PIEZO2: variants seen among roughly 807,000 people sequenced by gnomAD.
PIEZO2 encodes the protein piezo-type mechanosensitive ion channel component 2.
A neutral mutation model predicts 337.3 loss-of-function variants in PIEZO2; 172 were observed. The observed-to-expected ratio is 0.51, with a 90% CI of 0.45 to 0.58. The LOEUF (loss-of-function observed/expected upper bound fraction) is 0.58, where lower values mean the gene tolerates loss of function less well. Among genes scored for constraint, PIEZO2 ranks in the 20% least tolerant of loss-of-function variants. PIEZO2 has a pLI of 0.00. For synonymous variants in PIEZO2, 1,251 were observed against 1,228.5 expected, an observed-to-expected ratio of 1.02 and a Z score of -0.38; for missense variants, 3,028 against 3,391.3, an observed-to-expected ratio of 0.89 and a Z score of 2.66.
chr18:11,148,881 C>T lies in PIEZO2; in HGVS notation c.-293G>A. ...CATTTAGTGTGAATCCTGGATCCGG[C>T]AGCGGCGGCGGCTTCTTCAGGGGTA... On this transcript the variant is annotated 5_prime_UTR_variant, in exon 1 of 56. Coordinates refer to ENST00000674853, the MANE Select transcript of PIEZO2 (RefSeq NM_001378183.1). The surrounding 1 kb of genome is among the most constrained non-coding windows in gnomAD (Gnocchi z 5.2). The T allele has an allele frequency of 2.8e-6, 1 of 359,310 alleles. No homozygotes were observed. The allele number at this position is 359,310 out of a possible 1,614,324, so 22.3% of individuals were successfully genotyped here.
Position 10,746,358 on chromosome 18 carries a change from C to T in PIEZO2, c.4424+2113G>A, listed in dbSNP as rs917227645. Among the ~76,000 whole-genome samples, 9 of 152,302 alleles carry T rather than the reference C, an allele frequency of 5.9e-5. No individual in the cohort carries two copies. Among genetic ancestry groups the T allele is most frequent in the African/African-American group, 9.6e-5 (4 of 41,570 alleles). On this transcript the variant is annotated intron_variant, in intron 30 of 55. Transcript: ENST00000674853. The surrounding 1 kb of genome is among the most constrained non-coding windows in gnomAD (Gnocchi z 4.2). ...CACTGTCCTCATCTTCCAATCTCAG[C>T]GCTGCAGTCACTGTGAGCTTCTGAT...
intron 20 of PIEZO2, among the ~76,000 whole-genome samples, chr18:10,771,136 G>A (rs1421978593): frequency 1.3e-5 from 2 of 152,114 alleles, no homozygotes; most frequent in African/African-American, 2.4e-5. Flanking sequence ...TTGCCACAAC[G>A]GCACTTTTAT....
At chr18:10,684,923 G>A (rs1598353077) in intron 49 of PIEZO2, among the ~76,000 whole-genome samples, 2 of 76,470 alleles carry the variant, frequency 2.6e-5, no homozygotes, top group South Asian at 3.9e-4. Flanking sequence ...ACCAGAGTGC[G>A]GTGTCGTGAT....
intron 2 of PIEZO2, among the ~76,000 whole-genome samples, chr18:11,059,608 T>C (rs2037863064): frequency 6.6e-6 from 1 of 152,160 alleles, no homozygotes; most frequent in African/African-American, 2.4e-5. Flanking sequence ...GTTGCAATCC[T>C]AGTCTCTGAT....
At chr18:10,827,046 A>T (rs908613252) in intron 7 of PIEZO2, among the ~76,000 whole-genome samples, 3 of 152,216 alleles carry the variant, frequency 2.0e-5, no homozygotes, top group South Asian at 2.1e-4. Flanking sequence ...TTATGTTCTT[A>T]TGCATAGATA....
chr18:10,832,841 A>G (rs1400504415), intron 7 of PIEZO2, among the ~76,000 whole-genome samples: 2 of 152,154 alleles, frequency 1.3e-5, no homozygotes, highest in Non-Finnish European at 2.9e-5. Flanking sequence ...GGTGGGGCCC[A>G]GGGATAAGCA....
chr18:10,742,803 T>TGC lies in PIEZO2; in HGVS notation c.4515-189_4515-188insGC, dbSNP rs10640381. ...CCTTTCTTTTATATACATATTTGTG[T>TGC]GTGTGTGTGTGTGTGTGTGTGTGTG... On this transcript the variant is annotated intron_variant, in intron 31 of 55. Transcript: ENST00000674853. Among the ~76,000 whole-genome samples, 13,575 of 149,204 alleles carry TGC rather than the reference T, an allele frequency of 0.091. 764 individuals are homozygous for TGC. The highest frequency in any genetic ancestry group is 0.15 in the Middle Eastern group (45 of 292).
At chr18:11,058,860 A>T (rs2037828196) in intron 2 of PIEZO2, among the ~76,000 whole-genome samples, 1 of 152,234 alleles carries the variant, frequency 6.6e-6, no homozygotes. Context: ...GAACTTCCCC[A>T]ATCTAGCAAG....
chr18:10,886,511 T>TTA (rs1181473457), intron 4 of PIEZO2, among the ~76,000 whole-genome samples: 7 of 118,368 alleles, frequency 5.9e-5, no homozygotes, highest in South Asian at 5.7e-4. Context: ...CATATACACA[T>TTA]TATATATATA....
rs1337782799 is a variant in PIEZO2 at position 11,149,485 on chromosome 18, G to C, written c.-897C>G. Among the ~76,000 whole-genome samples the C allele has an allele frequency of 2.0e-5, 3 of 151,944 alleles. No individual in the cohort carries two copies. On this transcript the variant is annotated 5_prime_UTR_variant, in exon 1 of 56. Coordinates refer to ENST00000674853, the MANE Select transcript of PIEZO2 (RefSeq NM_001378183.1). This position sits in a 1 kb window ranked among gnomAD's most constrained non-coding sequence, Gnocchi z 8.7. Reference sequence around the variant, plus strand: ...AAAACCAGCGCCGTCCCGTCGCCCAGCGCGACCACCGCCTGCCGCCTTGCA... The same window carrying C: ...AAAACCAGCGCCGTCCCGTCGCCCACCGCGACCACCGCCTGCCGCCTTGCA...
rs188098649 is a variant in PIEZO2, at chr18:11,021,586, C to A, written c.161-41926G>T. On this transcript the variant is annotated intron_variant, in intron 2 of 55. Transcript: ENST00000674853. The surrounding 1 kb of genome is among the most constrained non-coding windows in gnomAD (Gnocchi z 4.7). ...TCGTGAGGAGGAACACAGTCACCAT[C>A]GTGAATGAAAACCACCAAGTGGGGT... 6.6e-6 allele frequency among the ~76,000 whole-genome samples: 1 copy of A among 152,284 alleles called. No individual in the cohort carries two copies. Among genetic ancestry groups the A allele is most frequent in the East Asian group, 1.9e-4 (1 of 5,186 alleles).
chr18:10,726,525 C>A lies in PIEZO2; in HGVS notation c.5029+4882G>T, dbSNP rs1201490709. On this transcript the variant is annotated intron_variant, in intron 36 of 55. Coordinates refer to ENST00000674853, the MANE Select transcript of PIEZO2 (RefSeq NM_001378183.1). This position sits in a 1 kb window ranked among gnomAD's most constrained non-coding sequence, Gnocchi z 5.9. ...AAGCAGCCGTTCCTGTGGCGCGCTGCGCTGCTCTGCTCTGCTACACCAGCC... is the reference window on the plus strand; with the variant it reads ...AAGCAGCCGTTCCTGTGGCGCGCTGAGCTGCTCTGCTCTGCTACACCAGCC... 7 of 1,470,614 alleles carry A rather than the reference C, an allele frequency of 4.8e-6. No homozygotes were observed. In the East Asian group the frequency reaches 7.4e-5, roughly 16 times the overall value. 91.1% of individuals were successfully genotyped at this position (1,470,614 alleles called of 1,614,324 possible).
chr18:10,796,584 A>G (rs758911252), intron 12 of PIEZO2, among the ~76,000 whole-genome samples: 64 of 152,258 alleles, frequency 4.2e-4, no homozygotes, highest in Non-Finnish European at 6.0e-4. Flanking sequence ...GAAGAAATGT[A>G]TTAATACTTA....
rs1267473901 is a variant in PIEZO2, at chr18:11,001,819, A to C, written c.161-22159T>G. On this transcript the variant is annotated intron_variant, in intron 2 of 55. Transcript: ENST00000674853. This position sits in a 1 kb window ranked among gnomAD's most constrained non-coding sequence, Gnocchi z 5.3. ...CTTGAACCCAGGAGGCAGAGGTTGC[A>C]GTGAGCTCAGATTGCACCACTGTAC... 6.6e-6 allele frequency among the ~76,000 whole-genome samples: 1 copy of C among 152,038 alleles called. No individual in the cohort carries two copies. Among genetic ancestry groups the C allele is most frequent in the Non-Finnish European group, 1.5e-5 (1 of 68,002 alleles).
At position 10,682,283 on chromosome 18, in the gene PIEZO2, G is replaced by T; in HGVS notation, c.7507C>A (p.Gln2503Lys). ...TTCTTCTTCTTCTGGCCCCGTGGCT[G>T]AGGGTATCTCTGCAACAGAGAGTTC... ...CWRESEKRYP[Q>K]PRGQKKKKVV... is the part of the protein sequence containing the mutation. Residue 2503 changes from glutamine to lysine, a missense_variant, in exon 50 of 56, where the codon CAG (glutamine) becomes AAG (lysine). By Grantham distance (53) the Gln-to-Lys change is moderately conservative. Transcript: ENST00000674853. The surrounding 1 kb of genome is among the most constrained non-coding windows in gnomAD (Gnocchi z 5.6). The T allele has an allele frequency of 6.5e-7, 1 of 1,535,714 alleles. No homozygotes were observed.
chr18:10,792,808 GGT>G (rs2039448856), intron 13 of PIEZO2, among the ~76,000 whole-genome samples: 1 of 152,126 alleles, frequency 6.6e-6, no homozygotes, highest in African/African-American at 2.4e-5. Context: ...TGGAATTGCT[GGT>G]CTTATGGAAA....
intron 3 of PIEZO2, among the ~76,000 whole-genome samples, chr18:10,922,037 G>T (rs923587841): frequency 6.6e-6 from 1 of 152,102 alleles, no homozygotes; most frequent in Non-Finnish European, 1.5e-5. Flanking sequence ...TTTTAATTTT[G>T]CCCCGGTCCT....
chr18:10,674,705 TCA>T (rs2033917077), intron 54 of PIEZO2, among the ~76,000 whole-genome samples: 1 of 152,234 alleles, frequency 6.6e-6, no homozygotes, highest in Non-Finnish European at 1.5e-5. Flanking sequence ...AGCCATGAAG[TCA>T]AGCAATTCTT....
chr18:10,967,561 C>T (rs150159488), intron 3 of PIEZO2, among the ~76,000 whole-genome samples: 1 of 152,160 alleles, frequency 6.6e-6, no homozygotes. Context: ...GTCTACATTC[C>T]CATCAACAGT....
Sources: gnomAD v4.1 joint callset for allele counts (sites outside exome capture counted in the v4.1 genomes callset) on GRCh38, gnomAD v4.1.1 for gene constraint, Gnocchi (gnomAD v3.1) non-coding constraint, MANE v1.5 for transcripts, NCBI Gene and HGNC (gene_info 2026-07-23, HGNC 2026-07-21) for gene names.